TMED5: variants seen among roughly 807,000 people sequenced by gnomAD.
TMED5 encodes transmembrane p24 trafficking protein 5.
Under a neutral mutation model 23.0 loss-of-function variants are expected in TMED5, and 27 were observed. The ratio of observed to expected loss-of-function variants is 1.17; its 90% CI spans 0.86 to 1.62. TMED5 has a LOEUF of 1.62. Ranked by LOEUF, TMED5 falls within the 40% of genes most tolerant of loss-of-function variation. The probability of loss-of-function intolerance (pLI) is 0.00; values close to 1 mark genes in which losing one functional copy is unlikely to be tolerated. For synonymous variants in TMED5, 97 were observed against 100.8 expected, an observed-to-expected ratio of 0.96 and a Z score of 0.23; for missense variants, 248 against 273.7, an observed-to-expected ratio of 0.91 and a Z score of 0.66.
intron 1 of TMED5, among the ~76,000 whole-genome samples, chr1:93,169,895 A>ACACG (rs1282407722): frequency 6.6e-6 from 1 of 150,478 alleles, no homozygotes; most frequent in Non-Finnish European, 1.5e-5. Context: ...ACACACACAC[A>ACACG]CACACACACA....
intron 2 of TMED5, among the ~76,000 whole-genome samples, 178 bp from the exon 3 acceptor site, chr1:93,156,661 G>A (rs1445468484): frequency 2.0e-5 from 3 of 151,828 alleles, no homozygotes; most frequent in African/African-American, 7.3e-5. Flanking sequence ...GACCAGCCTG[G>A]GTAACATGGC....
chr1:93,159,210 T>C (rs1648182203), intron 2 of TMED5, among the ~76,000 whole-genome samples: 2 of 152,192 alleles, frequency 1.3e-5, no homozygotes, highest in Non-Finnish European at 2.9e-5. Context: ...AAGCATATGG[T>C]AGAAAGCAAA....
chr1:93,165,427 AAATG>A (rs1488092838), intron 1 of TMED5, among the ~76,000 whole-genome samples: 1 of 152,246 alleles, frequency 6.6e-6, no homozygotes, highest in East Asian at 1.9e-4. Flanking sequence ...TGGATAAGTG[AAATG>A]AATGACAACT....
At position 93,151,288 on chromosome 1, in the gene TMED5, G is replaced by C. The variant is rs915486006; in HGVS notation, c.*3382C>G. On this transcript the variant is annotated 3_prime_UTR_variant, in exon 4 of 4. Transcript: ENST00000370282. ...CCAGCTTGTGGTAGAAGAGTGGCTT[G>C]TCTGGATGGTTTGAGGGAAATGACC... The C allele has an allele frequency of 6.6e-6, 1 of 152,040 alleles. No homozygotes were observed. Among genetic ancestry groups the C allele is most frequent in the African/African-American group, 2.4e-5 (1 of 41,450 alleles). 9.4% of individuals were successfully genotyped at this position (152,040 alleles called of 1,614,324 possible).
In TMED5 at chr1:93,160,231, A is replaced by G; in HGVS notation, c.190-5T>C. 1 of 1,571,928 alleles carries G rather than the reference A, an allele frequency of 6.4e-7. No homozygotes were observed. On this transcript the variant is annotated splice_polypyrimidine_tract_variant and splice_region_variant and intron_variant, in intron 1 of 3. Transcript: ENST00000370282. ...TAATCCTGCTCCATCTAAAACCTGT[A>G]GAAAAGCATACATGAGAAAAACATA...
Position 93,156,343 on chromosome 1 carries a change from AT to A in TMED5, c.427del (p.Ile143LeufsTer9). On this transcript the variant is annotated frameshift_variant, in exon 3 of 4. Transcript: ENST00000370282. LOFTEE classifies it high-confidence loss of function. The part of the protein sequence containing the change: ...AQEQEDWKKY[I>X]TGTDILDMKL... ...CATATCCAATATATCTGTGCCAGTA[AT>A]ATATTTCTTCCAATCTTCTTGTTCT... is the stretch of plus-strand genomic sequence containing the variant. 1 of 1,613,972 alleles carries A rather than the reference AT, an allele frequency of 6.2e-7. No individual in the cohort carries two copies. The highest frequency in any genetic ancestry group is 8.5e-7 in the Non-Finnish European group (1 of 1,179,942).
chr1:93,171,409 G>A (rs775024297), intron 1 of TMED5, among the ~76,000 whole-genome samples: 4 of 152,124 alleles, frequency 2.6e-5, no homozygotes, highest in East Asian at 1.9e-4. Context: ...CGCCAATTCC[G>A]GACACAGTGG....
chr1:93,157,226 C>G (rs569186785), intron 2 of TMED5, among the ~76,000 whole-genome samples: 2 of 152,228 alleles, frequency 1.3e-5, no homozygotes, highest in South Asian at 4.2e-4. Flanking sequence ...ACTGATTTTG[C>G]CTATTAACTG....
chr1:93,168,300 T>A (rs1648577113), intron 1 of TMED5, among the ~76,000 whole-genome samples: 1 of 152,210 alleles, frequency 6.6e-6, no homozygotes, highest in South Asian at 2.1e-4. Flanking sequence ...ACAATATCAG[T>A]AAGTACATTG....
chr1:93,178,239 CT>C (rs1649001132), intron 1 of TMED5, among the ~76,000 whole-genome samples: 1 of 152,168 alleles, frequency 6.6e-6, no homozygotes, highest in South Asian at 2.1e-4. Flanking sequence ...CCACCCTAGA[CT>C]TTATATGTCT....
At chr1:93,179,617 C>T (rs541645864) in intron 1 of TMED5, among the ~76,000 whole-genome samples, 182 of 152,292 alleles carry the variant, frequency 1.2e-3, no homozygotes, top group African/African-American at 4.3e-3. Context: ...TGATTTGTAA[C>T]ATCTGAACTG....
rs113998597 is a variant in TMED5 at position 93,166,163 on chromosome 1, G to A, written c.190-5937C>T. On this transcript the variant is annotated intron_variant, in intron 1 of 3. Coordinates refer to ENST00000370282, the MANE Select transcript of TMED5 (RefSeq NM_016040.5). ...CCACATTTTCTTTATCCATTCATCT[G>A]TTGATGAACACTTTAGGTTGCTTCC... 4.1e-3 allele frequency among the ~76,000 whole-genome samples: 618 copies of A among 152,310 alleles called. 2 individuals are homozygous for A. In the Middle Eastern group the frequency reaches 0.048, roughly 12 times the overall value.
intron 2 of TMED5, among the ~76,000 whole-genome samples, chr1:93,157,938 C>A (rs1648130122): frequency 6.6e-6 from 1 of 152,058 alleles, no homozygotes; most frequent in East Asian, 1.9e-4. Context: ...TCCTGGCTAA[C>A]ACGGTGAAAC....
chr1:93,169,088 A>G (rs547353626), intron 1 of TMED5, among the ~76,000 whole-genome samples: 1 of 152,220 alleles, frequency 6.6e-6, no homozygotes, highest in Admixed American at 6.5e-5. Flanking sequence ...AGCACCATCA[A>G]TCAAATGTGT....
chr1:93,175,175 TTATATATA>T (rs201008342), intron 1 of TMED5, among the ~76,000 whole-genome samples: 4 of 119,840 alleles, frequency 3.3e-5, no homozygotes, highest in East Asian at 2.2e-4. Flanking sequence ...TAAAAGCCAT[TTATATATA>T]TATATATATA....
intron 1 of TMED5, chr1:93,163,359 T>C (rs1362898004): frequency 6.6e-6 from 1 of 151,406 alleles, no homozygotes; most frequent in Non-Finnish European, 1.5e-5. Context: ...TTTTTTTTTT[T>C]TTTGAGACAC....
intron 3 of TMED5, among the ~76,000 whole-genome samples, chr1:93,155,642 G>A (rs938422087): frequency 1.3e-5 from 2 of 151,594 alleles, no homozygotes; most frequent in African/African-American, 2.4e-5. Context: ...TAGAGATGGG[G>A]TCTTGCTATA....
intron 1 of TMED5, among the ~76,000 whole-genome samples, chr1:93,168,672 A>C (rs1648590150): frequency 6.6e-6 from 1 of 152,084 alleles, no homozygotes. Context: ...CATCTCTGCT[A>C]AAAATACAAA....
rs575651607 is a variant in TMED5, at chr1:93,155,149, C to G, written c.472-261G>C. On this transcript the variant is annotated intron_variant, in intron 3 of 3. Coordinates refer to ENST00000370282, the MANE Select transcript of TMED5 (RefSeq NM_016040.5). ...GCTGAGGTGGGGGGATCACTTGAGTCCAGGAGGTTGAGATTGCAATGAGCC... is the reference window on the plus strand; with the variant it reads ...GCTGAGGTGGGGGGATCACTTGAGTGCAGGAGGTTGAGATTGCAATGAGCC... 1.3e-5 allele frequency among the ~76,000 whole-genome samples: 2 copies of G among 152,174 alleles called. 1 individual carries two copies. Among genetic ancestry groups the G allele is most frequent in the South Asian group, 4.2e-4 (2 of 4,816 alleles).
Sources: gnomAD v4.1 joint callset for allele counts (sites outside exome capture counted in the v4.1 genomes callset) on GRCh38, gnomAD v4.1.1 for gene constraint, MANE v1.5 for transcripts, NCBI Gene and HGNC (gene_info 2026-07-23, HGNC 2026-07-21) for gene names.